The following OR2L13 variants were observed in gnomAD, a reference collection of about 807,000 sequenced individuals.
The protein encoded by OR2L13 is olfactory receptor family 2 subfamily L member 13.
OR2L13 carries 14 observed loss-of-function variants against 15.3 expected under a neutral mutation model. The observed-to-expected ratio is 0.91, with a 90% CI of 0.60 to 1.43. The LOEUF is 1.43. Among genes scored for constraint, OR2L13 ranks in the 40% most tolerant of loss-of-function variants. The probability of loss-of-function intolerance (pLI) is 0.00; values close to 1 mark genes in which losing one functional copy is unlikely to be tolerated. For synonymous variants in OR2L13, 152 were observed against 142.9 expected (o/e 1.06, Z -0.45); for missense variants, 367 against 387.9 (o/e 0.95, Z 0.45).
chr1:248,026,741 G>A, the OR2L13 span, among the ~76,000 whole-genome samples: 4 of 151,984 alleles, frequency 2.6e-5, no homozygotes, highest in South Asian at 2.1e-4. Flanking sequence ...GAACATAAAC[G>A]GTGAAGATTT....
chr1:247,970,722 A>G, the OR2L13 span, among the ~76,000 whole-genome samples: 1 of 152,186 alleles, frequency 6.6e-6, no homozygotes, highest in Non-Finnish European at 1.5e-5. Context: ...GAGATATACA[A>G]AGGGATGTAA....
the OR2L13 span, among the ~76,000 whole-genome samples, chr1:248,068,644 G>C: frequency 6.6e-6 from 1 of 152,190 alleles, no homozygotes; most frequent in Non-Finnish European, 1.5e-5. Context: ...ACTTTGACGA[G>C]AGAAGAAGCC....
exon 3 of OR2L13, chr1:248,100,229 A>G: frequency 6.2e-7 from 1 of 1,613,354 alleles, no homozygotes; most frequent in Non-Finnish European, 8.5e-7. Flanking sequence ...CCCATGCTCA[A>G]TCCCATTATC....
At chr1:247,960,426 C>A in the OR2L13 span, among the ~76,000 whole-genome samples, 2 of 152,200 alleles carry the variant, frequency 1.3e-5, no homozygotes, top group African/African-American at 2.4e-5. Context: ...GTTCTCAGAT[C>A]TTCAGCTGCA....
chr1:247,948,935 C>T, the OR2L13 span: 2 of 1,613,588 alleles, frequency 1.2e-6, no homozygotes, highest in East Asian at 2.2e-5. Context: ...ACCTTTTCTT[C>T]TTCATTCTCA....
the OR2L13 span, chr1:247,966,316 T>C: frequency 6.2e-7 from 1 of 1,612,994 alleles, no homozygotes; most frequent in Non-Finnish European, 8.5e-7. Flanking sequence ...CTGTAGAAAA[T>C]ATGACTTCAG....
chr1:247,959,173 A>G, the OR2L13 span, among the ~76,000 whole-genome samples: 1 of 152,026 alleles, frequency 6.6e-6, no homozygotes. Context: ...GCTTGTCTGT[A>G]AAGTATTTTA....
At chr1:247,994,351 C>A in the OR2L13 span, among the ~76,000 whole-genome samples, 2 of 152,060 alleles carry the variant, frequency 1.3e-5, no homozygotes, top group African/African-American at 2.4e-5. Context: ...GAGCTGATAT[C>A]GCTCCACTGC....
the OR2L13 span, among the ~76,000 whole-genome samples, chr1:247,961,590 T>A: frequency 0.84 from 127,013 of 152,076 alleles, 56,754 homozygotes; most frequent in Non-Finnish European, 0.98. Flanking sequence ...TACAAGGAAA[T>A]ATCTCCTAGT....
At chr1:247,941,841 C>T in the OR2L13 span, among the ~76,000 whole-genome samples, 1 of 152,140 alleles carries the variant, frequency 6.6e-6, no homozygotes, top group Non-Finnish European at 1.5e-5. Context: ...TTCTCTTCGG[C>T]ATCTTAAAGT....
At chr1:247,961,344 T>C in the OR2L13 span, among the ~76,000 whole-genome samples, 1 of 152,150 alleles carries the variant, frequency 6.6e-6, no homozygotes, top group Admixed American at 6.6e-5. Flanking sequence ...TGTAAGAAGA[T>C]AGTATTGAGA....
the OR2L13 span, among the ~76,000 whole-genome samples, chr1:247,937,820 C>G: frequency 2.6e-5 from 4 of 152,052 alleles, no homozygotes; most frequent in Non-Finnish European, 4.4e-5. Flanking sequence ...TTATAGCATG[C>G]CAACTAAATG....
At chr1:248,026,753 A>G in the OR2L13 span, among the ~76,000 whole-genome samples, 3 of 151,476 alleles carry the variant, frequency 2.0e-5, no homozygotes, top group Non-Finnish European at 2.9e-5. Flanking sequence ...TGAAGATTTC[A>G]TGGACACTTA....
the OR2L13 span, among the ~76,000 whole-genome samples, chr1:247,957,275 G>A: frequency 6.6e-6 from 1 of 152,186 alleles, no homozygotes; most frequent in South Asian, 2.1e-4. Flanking sequence ...AACCAACCTT[G>A]CATCCCAGGG....
chr1:248,054,461 T>G, the OR2L13 span, among the ~76,000 whole-genome samples: 1 of 152,172 alleles, frequency 6.6e-6, no homozygotes, highest in Non-Finnish European at 1.5e-5. Context: ...AATAGTTCTT[T>G]TTTTCTAATT....
exon 3 of OR2L13, chr1:248,100,315 T>C: frequency 6.4e-7 from 1 of 1,553,788 alleles, no homozygotes; most frequent in Admixed American, 1.7e-5. Flanking sequence ...GAAAGAATAA[T>C]CATGGCCATC....
At chr1:248,076,674 A>C in the OR2L13 span, among the ~76,000 whole-genome samples, 1 of 152,200 alleles carries the variant, frequency 6.6e-6, no homozygotes, top group South Asian at 2.1e-4. Context: ...AATCCTTGTG[A>C]TTTTTGCACA....
chr1:248,019,074 T>C, the OR2L13 span, among the ~76,000 whole-genome samples: 1 of 152,188 alleles, frequency 6.6e-6, no homozygotes, highest in African/African-American at 2.4e-5. Context: ...CTTTGGGGTA[T>C]TGTGATAATA....
the OR2L13 span, among the ~76,000 whole-genome samples, chr1:247,947,535 CT>C: frequency 6.6e-6 from 1 of 151,998 alleles, no homozygotes; most frequent in Non-Finnish European, 1.5e-5. Flanking sequence ...ATTTTAGTTT[CT>C]TTTTTTTATT....
Sources: allele counts gnomAD v4.1 joint callset (sites outside exome capture counted in the v4.1 genomes callset), GRCh38; gene constraint gnomAD v4.1.1; transcripts MANE v1.5; gene names NCBI Gene and HGNC (gene_info 2026-07-23, HGNC 2026-07-21).